Variants in TMCC1 observed in about 807,000 individuals in gnomAD.
TMCC1 encodes transmembrane and coiled-coil domain family 1.
TMCC1 carries 15 observed loss-of-function variants against 52.4 expected under a neutral mutation model. The ratio of observed to expected loss-of-function variants is 0.29; its 90% confidence interval spans 0.19 to 0.44. The LOEUF is 0.44. Ranked by LOEUF, TMCC1 falls within the 20% of genes least tolerant of loss-of-function variation. TMCC1 has a pLI of 1.00. For missense variants in TMCC1, 503 were observed against 806.0 expected, an observed-to-expected ratio of 0.62 and a Z score of 4.55; for synonymous variants, 279 against 301.9, an observed-to-expected ratio of 0.92 and a Z score of 0.79.
At chr3:129,746,647 C>G (rs575944060) in intron 4 of TMCC1, among the ~76,000 whole-genome samples, 2 of 152,216 alleles carry the variant, frequency 1.3e-5, no homozygotes, top group Middle Eastern at 6.8e-3. Flanking sequence ...TAAGGAAATA[C>G]AATAAACATT....
chr3:129,791,250 C>T (rs369334541), intron 4 of TMCC1, among the ~76,000 whole-genome samples: 1 of 152,080 alleles, frequency 6.6e-6, no homozygotes, highest in Non-Finnish European at 1.5e-5. Flanking sequence ...CCCGCCACCA[C>T]GTCCGGCTAA....
intron 2 of TMCC1, among the ~76,000 whole-genome samples, chr3:129,838,165 C>A (rs2059249768): frequency 6.6e-6 from 1 of 151,970 alleles, no homozygotes; most frequent in Non-Finnish European, 1.5e-5. Context: ...AATCCCAGCA[C>A]TTTGGAAGGC....
At chr3:129,873,288 G>C (rs562370979) in intron 2 of TMCC1, among the ~76,000 whole-genome samples, 2 of 151,730 alleles carry the variant, frequency 1.3e-5, no homozygotes, top group African/African-American at 4.8e-5. Context: ...GACTAACACT[G>C]GTTGTCTTAA....
At chr3:129,707,789 G>A (rs1028092589) in intron 4 of TMCC1, among the ~76,000 whole-genome samples, 5 of 151,908 alleles carry the variant, frequency 3.3e-5, no homozygotes, top group African/African-American at 1.2e-4. Flanking sequence ...AAAATTAGCT[G>A]GGCGTGGTGG....
chr3:129,876,076 G>A (rs1210290700), intron 2 of TMCC1, among the ~76,000 whole-genome samples: 1 of 150,244 alleles, frequency 6.7e-6, no homozygotes, highest in Non-Finnish European at 1.5e-5. Flanking sequence ...CGGGGTTGCA[G>A]TGAGCCGAGA....
chr3:129,757,131 C>A (rs1460372067), intron 4 of TMCC1, among the ~76,000 whole-genome samples: 3 of 152,190 alleles, frequency 2.0e-5, no homozygotes, highest in African/African-American at 7.2e-5. Context: ...TAACAGTCAA[C>A]ACCAGAGTCA....
At chr3:129,862,197 G>T (rs1412212358) in intron 2 of TMCC1, among the ~76,000 whole-genome samples, 1 of 152,174 alleles carries the variant, frequency 6.6e-6, no homozygotes, top group Non-Finnish European at 1.5e-5. Flanking sequence ...AAGTTATACA[G>T]GGATAGAGCA....
chr3:129,653,290 A>T (rs1230727586), intron 6 of TMCC1, among the ~76,000 whole-genome samples: 1 of 152,218 alleles, frequency 6.6e-6, no homozygotes, highest in Non-Finnish European at 1.5e-5. Flanking sequence ...TTCCTTATAC[A>T]CACTACCTGG....
chr3:129,804,265 G>A (rs183859437), intron 4 of TMCC1, among the ~76,000 whole-genome samples: 22 of 152,164 alleles, frequency 1.4e-4, no homozygotes, highest in Admixed American at 1.4e-3. Flanking sequence ...AGTCTAACTC[G>A]CCTGATGGAA....
chr3:129,670,912 T>C lies in TMCC1; in HGVS notation c.929A>G (p.Glu310Gly), dbSNP rs779475343. Residue 310 changes from glutamate to glycine, a missense_variant, in exon 5 of 7, where the codon GAG (glutamate) becomes GGG (glycine). This residue lies in a region of TMCC1 where 73 missense variants were observed against 182.9 expected (regional missense o/e 0.40). Coordinates refer to ENST00000393238, the MANE Select transcript of TMCC1 (RefSeq NM_001017395.5). ...TGGCTGCCGGGGGATCCCATTCTGCTCTACCTCTCTGAGCTTCCTGTGGTA... is the reference window on the plus strand; with the variant it reads ...TGGCTGCCGGGGGATCCCATTCTGCCCTACCTCTCTGAGCTTCCTGTGGTA... ...EHYHRKLREVEQNGIPRQPKD... is the reference protein window; with the variant it reads ...EHYHRKLREVGQNGIPRQPKD... 1 of 1,614,198 alleles carries C rather than the reference T, an allele frequency of 6.2e-7. No homozygotes were observed. Among genetic ancestry groups the C allele is most frequent in the Non-Finnish European group, 8.5e-7 (1 of 1,180,038 alleles).
intron 4 of TMCC1, among the ~76,000 whole-genome samples, chr3:129,692,923 A>G (rs1422975678): frequency 6.6e-6 from 1 of 152,030 alleles, no homozygotes; most frequent in Non-Finnish European, 1.5e-5. Flanking sequence ...GCTGACTGCA[A>G]TGTCCATCTC....
chr3:129,687,459 A>C (rs2089485383), intron 4 of TMCC1, among the ~76,000 whole-genome samples: 1 of 152,262 alleles, frequency 6.6e-6, no homozygotes, highest in African/African-American at 2.4e-5. Context: ...ATACATTTTA[A>C]AGAGAAAAAC....
intron 5 of TMCC1, 83 bp from the exon 6 acceptor site, chr3:129,655,186 C>T (rs755164116): frequency 6.6e-7 from 1 of 1,512,942 alleles, no homozygotes; most frequent in Non-Finnish European, 8.9e-7. Flanking sequence ...TCCCAAAACA[C>T]ATTCTACAAA....
At chr3:129,772,518 A>C (rs2054671667) in intron 4 of TMCC1, among the ~76,000 whole-genome samples, 1 of 151,802 alleles carries the variant, frequency 6.6e-6, no homozygotes, top group African/African-American at 2.4e-5. Flanking sequence ...GATCAAGACC[A>C]TCCTGGCTAA....
intron 2 of TMCC1, among the ~76,000 whole-genome samples, chr3:129,875,730 T>C (rs1273932526): frequency 2.0e-5 from 3 of 152,170 alleles, no homozygotes; most frequent in Non-Finnish European, 4.4e-5. Flanking sequence ...AAAAGAGGTC[T>C]TCCATAAAAG....
Position 129,827,861 on chromosome 3 carries a change from C to G in TMCC1, c.518G>C (p.Cys173Ser), listed in dbSNP as rs767919755. Reference protein sequence around the residue: ...PTSSAMMEIACAAAAAAAACL... With the variant: ...PTSSAMMEIASAAAAAAAACL... ...TGCAGCAGCAGCAGCAGCAGCAGCA[C>G]AAGCTATTTCCATCATAGCAGAGCT... The change falls in exon 4 of 7, where the codon TGT (cysteine) becomes TCT (serine). Residue 173 changes from cysteine (C) to serine (S), a missense_variant. Coordinates refer to ENST00000393238, the MANE Select transcript of TMCC1 (RefSeq NM_001017395.5). 7 of 1,613,786 alleles carry G rather than the reference C, an allele frequency of 4.3e-6. No homozygotes were observed. The highest frequency in any genetic ancestry group is 1.3e-5 in the African/African-American group (1 of 74,934).
intron 4 of TMCC1, among the ~76,000 whole-genome samples, chr3:129,700,734 C>T (rs2047759696): frequency 6.8e-6 from 1 of 147,300 alleles, no homozygotes. Flanking sequence ...CTCAGCCTCT[C>T]AAAGTGCTGG....
In TMCC1 at chr3:129,649,455, G is replaced by A. The variant is rs1364457417; in HGVS notation, c.*2026C>T. ...TTTTTTAAAGAAAAAAAGCACCCTT[G>A]TGGCCCTGCTCTGGGTGCAGTTTTG... On this transcript the variant is annotated 3_prime_UTR_variant, in exon 7 of 7. Transcript: ENST00000393238. The A allele has an allele frequency of 1.3e-5, 2 of 152,140 alleles. No homozygotes were observed. Among genetic ancestry groups the A allele is most frequent in the East Asian group, 1.9e-4 (1 of 5,188 alleles). The allele number at this position is 152,140 out of a possible 1,614,324, so 9.4% of individuals were successfully genotyped here.
At chr3:129,834,613 G>T (rs2059072746) in intron 2 of TMCC1, among the ~76,000 whole-genome samples, 2 of 152,134 alleles carry the variant, frequency 1.3e-5, no homozygotes, top group Admixed American at 1.3e-4. Flanking sequence ...AGATGCATGA[G>T]AGGAGGGAAA....
Sources: gnomAD v4.1 joint callset for allele counts (sites outside exome capture counted in the v4.1 genomes callset) on GRCh38, gnomAD v4.1.1 for gene constraint, gnomAD v4.1.1 regional missense constraint, MANE v1.5 for transcripts, NCBI Gene and HGNC (gene_info 2026-07-23, HGNC 2026-07-21) for gene names.